Variants in PTPRD observed in about 807,000 individuals in gnomAD.
PTPRD encodes protein tyrosine phosphatase receptor type D.
A neutral mutation model predicts 214.5 loss-of-function variants in PTPRD; 34 were observed. The observed-to-expected ratio is 0.16, with a 90% CI of 0.12 to 0.21. The LOEUF (loss-of-function observed/expected upper bound fraction) is 0.21, where lower values mean the gene tolerates loss of function less well. Ranked by LOEUF, PTPRD falls within the 10% of genes least tolerant of loss-of-function variation. The probability of loss-of-function intolerance (pLI) is 1.00; values close to 1 mark genes in which losing one functional copy is unlikely to be tolerated. For synonymous variants in PTPRD, 1,128 were observed against 845.7 expected, an observed-to-expected ratio of 1.33 and a Z score of -5.79; for missense variants, 2,545 against 2,398.7, an observed-to-expected ratio of 1.06 and a Z score of -1.27.
chr9:9,118,374 T>C (rs185375205), intron 10 of PTPRD, among the ~76,000 whole-genome samples: 7 of 152,224 alleles, frequency 4.6e-5, no homozygotes, highest in Admixed American at 2.0e-4. Context: ...TAACTGACCA[T>C]TTTCTGCAGA....
At chr9:8,795,503 C>G (rs1473638074) in intron 11 of PTPRD, among the ~76,000 whole-genome samples, 1 of 152,104 alleles carries the variant, frequency 6.6e-6, no homozygotes, top group Non-Finnish European at 1.5e-5. Flanking sequence ...AGGAATTACA[C>G]AAAAGAAAGT....
At position 8,568,722 on chromosome 9, in the gene PTPRD, T is replaced by C. The variant is rs557748978; in HGVS notation, c.353-39943A>G. On this transcript the variant is annotated intron_variant, in intron 14 of 45. Coordinates refer to ENST00000381196, the MANE Select transcript of PTPRD (RefSeq NM_002839.4). ...TTGAATCAAAAGTCAAATAAAAACCTCCAGTATAAACCTGAGTTTTCTGCA... is the reference window on the plus strand; with the variant it reads ...TTGAATCAAAAGTCAAATAAAAACCCCCAGTATAAACCTGAGTTTTCTGCA... Among the ~76,000 whole-genome samples, 3 of 152,156 alleles carry C rather than the reference T, an allele frequency of 2.0e-5. No individual in the cohort carries two copies. The East Asian group carries it at 5.8e-4, about 29-fold the overall frequency.
At chr9:8,786,659 C>T (rs1253770642) in intron 11 of PTPRD, among the ~76,000 whole-genome samples, 2 of 151,638 alleles carry the variant, frequency 1.3e-5, no homozygotes, top group African/African-American at 4.9e-5. Flanking sequence ...AGGTGATCCA[C>T]CCGCCTCGGC....
chr9:8,857,496 CCCGG>C, intron 11 of PTPRD: 1 of 152,348 alleles, frequency 6.6e-6, no homozygotes, highest in East Asian at 1.9e-4. Context: ...CGCTCCGGTG[CCCGG>C]GCGCCGGGCT....
intron 8 of PTPRD, among the ~76,000 whole-genome samples, chr9:9,573,322 T>C (rs894133044): frequency 4.0e-5 from 6 of 151,524 alleles, no homozygotes; most frequent in Admixed American, 6.6e-5. Context: ...TTATGTTCTG[T>C]ATACTTCTAG....
chr9:8,606,343 C>A (rs1725896638), intron 14 of PTPRD, among the ~76,000 whole-genome samples: 1 of 152,100 alleles, frequency 6.6e-6, no homozygotes, highest in Admixed American at 6.5e-5. Flanking sequence ...CAGTCTAGTC[C>A]TTTCATGTGG....
intron 3 of PTPRD, among the ~76,000 whole-genome samples, chr9:10,273,085 T>C (rs998222626): frequency 6.6e-6 from 1 of 152,204 alleles, no homozygotes; most frequent in Non-Finnish European, 1.5e-5. Context: ...TCCTCTAATT[T>C]CCAGTTCTGA....
At chr9:9,802,372 T>C (rs1429878125) in intron 5 of PTPRD, among the ~76,000 whole-genome samples, 1 of 151,906 alleles carries the variant, frequency 6.6e-6, no homozygotes, top group African/African-American at 2.4e-5. Flanking sequence ...CACATAATTA[T>C]AGCTTGCTCC....
intron 35 of PTPRD, among the ~76,000 whole-genome samples, chr9:8,415,557 G>A (rs969772533): frequency 8.2e-6 from 1 of 122,580 alleles, no homozygotes; most frequent in African/African-American, 2.9e-5. Flanking sequence ...TGCTTTGGAA[G>A]TAAAACCATA....
intron 9 of PTPRD, among the ~76,000 whole-genome samples, chr9:9,278,645 T>C (rs1477658676): frequency 1.3e-5 from 2 of 151,284 alleles, no homozygotes. Context: ...TTACAGTATG[T>C]GGTTGGCCTG....
At chr9:9,909,907 C>T (rs946666826) in intron 5 of PTPRD, among the ~76,000 whole-genome samples, 1 of 151,722 alleles carries the variant, frequency 6.6e-6, no homozygotes, top group Non-Finnish European at 1.5e-5. Context: ...TAAAGTAATA[C>T]ATATTCTTTG....
intron 9 of PTPRD, among the ~76,000 whole-genome samples, chr9:9,207,723 G>A (rs772906012): frequency 4.6e-5 from 7 of 152,058 alleles, no homozygotes; most frequent in Non-Finnish European, 1.0e-4. Context: ...GCAACAATAT[G>A]CTCGCAAAAA....
chr9:9,575,782 AAAG>A (rs1463225612), intron 7 of PTPRD, among the ~76,000 whole-genome samples: 1,561 of 76,610 alleles, frequency 0.02, 25 homozygotes, highest in African/African-American at 0.062. Flanking sequence ...AAAGAAAGAA[AAAG>A]AAAAAAAAAA....
intron 10 of PTPRD, among the ~76,000 whole-genome samples, chr9:9,125,880 G>A (rs1390055052): frequency 1.3e-5 from 2 of 152,170 alleles, no homozygotes; most frequent in East Asian, 3.9e-4. Context: ...ACTTTACTGA[G>A]GAGGTGACCT....
chr9:10,221,786 T>G (rs1023149870), intron 3 of PTPRD, among the ~76,000 whole-genome samples: 2 of 142,360 alleles, frequency 1.4e-5, no homozygotes, highest in African/African-American at 5.8e-5. Flanking sequence ...TAAAAAACTG[T>G]TTTTTTTTTC....
intron 14 of PTPRD, among the ~76,000 whole-genome samples, chr9:8,599,555 G>C (rs1441596758): frequency 2.0e-5 from 3 of 150,974 alleles, no homozygotes; most frequent in Non-Finnish European, 2.9e-5. Context: ...GAAAACAAAA[G>C]GGGGAACGCA....
intron 3 of PTPRD, among the ~76,000 whole-genome samples, chr9:10,056,952 T>C (rs1347570948): frequency 6.6e-6 from 1 of 152,142 alleles, no homozygotes; most frequent in Non-Finnish European, 1.5e-5. Context: ...TTTTTGGTTA[T>C]AAAAATAGGT....
At chr9:8,656,919 A>G (rs185518952) in intron 12 of PTPRD, among the ~76,000 whole-genome samples, 139 of 152,312 alleles carry the variant, frequency 9.1e-4, no homozygotes, top group South Asian at 3.5e-3. Context: ...CTGAAATCAC[A>G]TAGCTTTACA....
At chr9:8,667,151 C>G (rs996147812) in intron 12 of PTPRD, among the ~76,000 whole-genome samples, 2 of 152,076 alleles carry the variant, frequency 1.3e-5, no homozygotes, top group Non-Finnish European at 2.9e-5. Context: ...CCAGCCTGGC[C>G]AACATGGCGA....
Sources: allele counts gnomAD v4.1 joint callset (sites outside exome capture counted in the v4.1 genomes callset), GRCh38; gene constraint gnomAD v4.1.1; transcripts MANE v1.5; gene names NCBI Gene and HGNC (gene_info 2026-07-23, HGNC 2026-07-21).